The following PLCH1 variants were observed in gnomAD, a reference collection of about 807,000 sequenced individuals.
PLCH1 encodes 1-phosphatidylinositol 4,5-bisphosphate phosphodiesterase eta-1.
Under a neutral mutation model 126.7 loss-of-function variants are expected in PLCH1, and 60 were observed. The ratio of observed to expected loss-of-function variants is 0.47; its 90% CI spans 0.38 to 0.59. PLCH1 has a LOEUF of 0.59. PLCH1 is among the 20% of genes least tolerant of loss of function. The pLI is 0.00. For synonymous variants in PLCH1, 719 were observed against 734.9 expected (o/e 0.98, Z 0.35); for missense variants, 1,723 against 2,040.0 (o/e 0.84, Z 2.99).
At position 155,590,577 on chromosome 3, in the gene PLCH1, C is replaced by CAA. The variant is rs35443780; in HGVS notation, c.470+3362_470+3363dup. Among the ~76,000 whole-genome samples the CAA allele has an allele frequency of 6.5e-3, 815 of 125,574 alleles. 7 individuals are homozygous for CAA. Among genetic ancestry groups the CAA allele is most frequent in the African/African-American group, 0.018 (601 of 33,198 alleles). The allele number at this position is 125,574 out of a possible 152,430, so 82.4% of individuals were successfully genotyped here. ...TGGGCGACAGAGCCAGACTCCATCT[C>CAA]AAAAAAAAAAAAAATACAAAAAATT... On this transcript the variant is annotated intron_variant, in intron 4 of 22. Coordinates refer to ENST00000460012, the MANE Select transcript of PLCH1 (RefSeq NM_014996.4).
chr3:155,473,530 C>T (rs1434379918), intron 21 of PLCH1, among the ~76,000 whole-genome samples: 10 of 149,652 alleles, frequency 6.7e-5, no homozygotes, highest in African/African-American at 2.0e-4. Context: ...AATGCCATCC[C>T]CATCAAGCTA....
intron 13 of PLCH1, among the ~76,000 whole-genome samples, chr3:155,501,437 T>C (rs1002297607): frequency 1.3e-5 from 2 of 152,152 alleles, no homozygotes; most frequent in African/African-American, 4.8e-5. Context: ...TTTGGGATGG[T>C]ATGATTTCAT....
chr3:155,481,536 C>T lies in PLCH1; in HGVS notation c.4490G>A (p.Cys1497Tyr), dbSNP rs1347608610. The T allele has an allele frequency of 6.2e-7, 1 of 1,614,140 alleles. No individual in the cohort carries two copies. Among genetic ancestry groups the T allele is most frequent in the South Asian group, 1.1e-5 (1 of 91,084 alleles). The change falls in exon 23 of 23, where the codon TGC becomes TAC. Residue 1497 changes from cysteine (C) to tyrosine (Y), a missense_variant. Transcript: ENST00000460012. This position sits in a 1 kb window ranked among gnomAD's most constrained non-coding sequence, Gnocchi z 4.2. ...ACACTGGTACTTGCTCTCAAAATTG[C>T]AGGCAATGTCCTCTGATGTTAAGTC... ...LGDLTSEDIACNFESKYQCIS... is the reference protein window; with the variant it reads ...LGDLTSEDIAYNFESKYQCIS...
At chr3:155,740,991 T>A (rs1263980276) in intron 1 of PLCH1, among the ~76,000 whole-genome samples, 4 of 152,212 alleles carry the variant, frequency 2.6e-5, no homozygotes, top group African/African-American at 9.6e-5. Flanking sequence ...ATTTTAAACT[T>A]AGCTATCCAC....
intron 9 of PLCH1, among the ~76,000 whole-genome samples, chr3:155,551,444 GAAAAAAAAAAAAAAAAAAAAAAA>G (rs59794505): frequency 1.2e-4 from 5 of 42,088 alleles, no homozygotes; most frequent in African/African-American, 5.3e-4. Context: ...GGCTGCCTCA[GAAAAAAAAAAAAAAAAAAAAAAA>G]AAAAAAAAAA....
intron 2 of PLCH1, among the ~76,000 whole-genome samples, chr3:155,637,806 C>G (rs886928483): frequency 6.6e-6 from 1 of 152,148 alleles, no homozygotes; most frequent in Non-Finnish European, 1.5e-5. Context: ...TTTAAAGTAA[C>G]CTTTCAAATC....
chr3:155,494,780 C>G (rs945404614), intron 15 of PLCH1, among the ~76,000 whole-genome samples: 1 of 152,092 alleles, frequency 6.6e-6, no homozygotes, highest in African/African-American at 2.4e-5. Flanking sequence ...CCTGTTCTCC[C>G]TAAGAATTCA....
At chr3:155,463,239 T>C (rs1712795519) in intron 21 of PLCH1, among the ~76,000 whole-genome samples, 1 of 152,212 alleles carries the variant, frequency 6.6e-6, no homozygotes, top group Non-Finnish European at 1.5e-5. Context: ...TTCATGTATG[T>C]CATATATACA....
intron 1 of PLCH1, among the ~76,000 whole-genome samples, chr3:155,733,932 TAC>T (rs1338877582): frequency 1.9e-5 from 2 of 103,892 alleles, no homozygotes; most frequent in East Asian, 2.9e-4. Flanking sequence ...CCAACAGGTA[TAC>T]ATATATATAT....
intron 17 of PLCH1, 134 bp downstream of exon 17, chr3:155,494,007 T>A (rs1423982766): frequency 1.7e-5 from 11 of 653,418 alleles, no homozygotes; most frequent in Non-Finnish European, 2.9e-5. Flanking sequence ...CCTTAACCTA[T>A]CTTTTTGAAA....
At chr3:155,520,641 T>C (rs1299941148) in intron 11 of PLCH1, among the ~76,000 whole-genome samples, 1 of 151,724 alleles carries the variant, frequency 6.6e-6, no homozygotes, top group Non-Finnish European at 1.5e-5. Context: ...AGAAGACCCA[T>C]AAAGATGAAT....
intron 2 of PLCH1, among the ~76,000 whole-genome samples, chr3:155,669,268 A>AT (rs1743145697): frequency 6.6e-6 from 1 of 152,176 alleles, no homozygotes; most frequent in South Asian, 2.1e-4. Flanking sequence ...GGCTAAGCAC[A>AT]TTTTTTTAAA....
At chr3:155,722,634 C>T (rs1272685335) in intron 1 of PLCH1, among the ~76,000 whole-genome samples, 1 of 152,126 alleles carries the variant, frequency 6.6e-6, no homozygotes, top group Non-Finnish European at 1.5e-5. Context: ...CATTGATTTG[C>T]ACATGTGAAA....
chr3:155,596,134 T>C lies in PLCH1; in HGVS notation c.226+98A>G, dbSNP rs918715209. 3.0e-5 allele frequency: 25 copies of C among 846,514 alleles called. No homozygotes were observed. The African/African-American group carries it at 3.4e-4, about 12-fold the overall frequency. The allele number at this position is 846,514 out of a possible 1,614,324, so 52.4% of individuals were successfully genotyped here. ...TCAACTATCTCCAAACTTATAAAAG[T>C]ATAAAACTTCCACAGATCTGAAGCT... On this transcript the variant is annotated intron_variant, in intron 3 of 22. Transcript: ENST00000460012.
chr3:155,690,826 T>G (rs991243318), intron 2 of PLCH1, among the ~76,000 whole-genome samples: 1 of 152,198 alleles, frequency 6.6e-6, no homozygotes, highest in Non-Finnish European at 1.5e-5. Flanking sequence ...AAAGCAATGC[T>G]GCTCATACTT....
chr3:155,710,055 T>G (rs991719541), intron 1 of PLCH1, among the ~76,000 whole-genome samples: 1 of 152,218 alleles, frequency 6.6e-6, no homozygotes, highest in African/African-American at 2.4e-5. Context: ...TAGTGCCATC[T>G]TGGCTCACTG....
chr3:155,742,052 A>G (rs1177788869), intron 1 of PLCH1: 1 of 152,200 alleles, frequency 6.6e-6, no homozygotes, highest in Non-Finnish European at 1.5e-5. Context: ...GCACCAAATC[A>G]ATCGTTCTCC....
At chr3:155,486,320 G>A in intron 21 of PLCH1, 3 of 652,182 alleles carry the variant, frequency 4.6e-6, no homozygotes, top group Non-Finnish European at 7.8e-6. Context: ...CTTTCTCTTA[G>A]TTTTGGGGAT....
At chr3:155,656,039 G>C (rs1046818291) in intron 2 of PLCH1, among the ~76,000 whole-genome samples, 6 of 152,042 alleles carry the variant, frequency 3.9e-5, no homozygotes, top group African/African-American at 1.4e-4. Context: ...ATCTTCTACT[G>C]ACTCAACGAA....
Sources: allele counts gnomAD v4.1 joint callset (sites outside exome capture counted in the v4.1 genomes callset), GRCh38; gene constraint gnomAD v4.1.1; non-coding constraint Gnocchi (gnomAD v3.1); transcripts MANE v1.5; gene names NCBI Gene and HGNC (gene_info 2026-07-23, HGNC 2026-07-21).